SLC35F3: variants seen among roughly 807,000 people sequenced by gnomAD.
SLC35F3 encodes solute carrier family 35 member F3.
Under a neutral mutation model 49.9 loss-of-function variants are expected in SLC35F3, and 25 were observed. The observed-to-expected ratio is 0.50, with a 90% CI of 0.37 to 0.70. The LOEUF (loss-of-function observed/expected upper bound fraction) is 0.70. SLC35F3 is among the 30% of genes least tolerant of loss of function. The pLI, the probability that SLC35F3 is intolerant of heterozygous loss-of-function variation, is 0.00. For synonymous variants in SLC35F3, 275 were observed against 265.4 expected (o/e 1.04, Z -0.35); for missense variants, 525 against 639.8 (o/e 0.82, Z 1.94).
intron 2 of SLC35F3, among the ~76,000 whole-genome samples, chr1:234,131,386 G>A (rs1242043417): frequency 6.6e-6 from 1 of 152,270 alleles, no homozygotes; most frequent in Non-Finnish European, 1.5e-5. Context: ...GGAAGGCTGT[G>A]GCCCTACCCA....
At chr1:234,184,978 T>A (rs981922116) in intron 2 of SLC35F3, among the ~76,000 whole-genome samples, 1 of 152,174 alleles carries the variant, frequency 6.6e-6, no homozygotes, top group African/African-American at 2.4e-5. Context: ...ACACTGCATC[T>A]GAGAAGCATT....
intron 2 of SLC35F3, among the ~76,000 whole-genome samples, chr1:233,977,109 C>T (rs1572005537): frequency 6.6e-6 from 1 of 152,176 alleles, no homozygotes; most frequent in East Asian, 1.9e-4. Context: ...TTCAGGTTAG[C>T]TCAGCCAGCA....
chr1:234,309,421 C>A, intron 4 of SLC35F3, 101 bp downstream of exon 4: 1 of 962,458 alleles, frequency 1.0e-6, no homozygotes, highest in Non-Finnish European at 1.6e-6. Context: ...TGAGCATAAG[C>A]TGCTGACCAC....
intron 2 of SLC35F3, among the ~76,000 whole-genome samples, chr1:234,198,400 T>C (rs1666847260): frequency 6.6e-6 from 1 of 152,192 alleles, no homozygotes; most frequent in Non-Finnish European, 1.5e-5. Context: ...TGTTTTCTTT[T>C]CTTATGGGTA....
At chr1:233,964,590 T>C (rs1662866445) in intron 2 of SLC35F3, among the ~76,000 whole-genome samples, 2 of 152,238 alleles carry the variant, frequency 1.3e-5, no homozygotes, top group Non-Finnish European at 2.9e-5. Flanking sequence ...GTGTTAAGAC[T>C]GTTCATGTGT....
At chr1:234,100,142 A>G (rs945678454) in intron 2 of SLC35F3, among the ~76,000 whole-genome samples, 3 of 152,220 alleles carry the variant, frequency 2.0e-5, no homozygotes, top group Admixed American at 2.0e-4. Flanking sequence ...AATTAACAAA[A>G]GAAGAGGAAG....
intron 2 of SLC35F3, among the ~76,000 whole-genome samples, chr1:233,952,622 C>T (rs7515636): frequency 6.6e-6 from 1 of 152,178 alleles, no homozygotes; most frequent in Non-Finnish European, 1.5e-5. Flanking sequence ...CAAATCACAT[C>T]CAGTGTCTCC....
At chr1:234,062,752 T>G (rs2102863449) in intron 2 of SLC35F3, among the ~76,000 whole-genome samples, 1 of 151,966 alleles carries the variant, frequency 6.6e-6, no homozygotes, top group Admixed American at 6.6e-5. Flanking sequence ...CAATCTCCTT[T>G]CCCTGCAAGC....
At chr1:233,946,751 G>A (rs1662519378) in intron 2 of SLC35F3, among the ~76,000 whole-genome samples, 1 of 152,214 alleles carries the variant, frequency 6.6e-6, no homozygotes, top group South Asian at 2.1e-4. Flanking sequence ...TGCACCTGAG[G>A]TGAAATGGGC....
At chr1:234,238,620 C>T (rs1362335019) in intron 3 of SLC35F3, among the ~76,000 whole-genome samples, 1 of 152,212 alleles carries the variant, frequency 6.6e-6, no homozygotes, top group South Asian at 2.1e-4. Context: ...GCATCTCCCC[C>T]CACCCCACCA....
At chr1:234,030,429 T>C (rs1664045396) in intron 2 of SLC35F3, among the ~76,000 whole-genome samples, 1 of 152,202 alleles carries the variant, frequency 6.6e-6, no homozygotes, top group South Asian at 2.1e-4. Flanking sequence ...TGAGTCTAAC[T>C]AGAGACCCCA....
chr1:234,005,067 A>C (rs1303623114), intron 2 of SLC35F3, among the ~76,000 whole-genome samples: 1 of 152,216 alleles, frequency 6.6e-6, no homozygotes, highest in African/African-American at 2.4e-5. Flanking sequence ...GAAAATCTTT[A>C]AAGTCTTTTA....
chr1:234,058,804 G>A (rs561720403), intron 2 of SLC35F3, among the ~76,000 whole-genome samples: 4 of 151,324 alleles, frequency 2.6e-5, no homozygotes, highest in South Asian at 4.2e-4. Context: ...ATTTTTTTGG[G>A]TTTTTTTTGG....
At chr1:234,105,570 G>T (rs1342350189) in intron 2 of SLC35F3, among the ~76,000 whole-genome samples, 3 of 152,170 alleles carry the variant, frequency 2.0e-5, no homozygotes, top group Non-Finnish European at 2.9e-5. Context: ...AGAAAGAGGA[G>T]CCATGTCTGC....
intron 2 of SLC35F3, among the ~76,000 whole-genome samples, chr1:233,948,559 C>A (rs202219111): frequency 6.9e-6 from 1 of 144,836 alleles, no homozygotes; most frequent in East Asian, 2.0e-4. Context: ...TTTTTTTTTT[C>A]TTTTTTTAAT....
intron 2 of SLC35F3, among the ~76,000 whole-genome samples, chr1:234,189,462 A>G (rs1415103045): frequency 1.3e-5 from 2 of 151,696 alleles, no homozygotes; most frequent in African/African-American, 2.4e-5. Context: ...AAGCAGAAGA[A>G]CGAACTTCAG....
Position 233,905,757 on chromosome 1 carries a change from A to C in SLC35F3, c.282A>C (p.Lys94Asn). ...YGYQPWAASC[K>N]REERPRDSPG... ...ACCAGCCCTGGGCAGCGAGCTGCAA[A>C]AGTAAGACCCCCTCACGTCATGTTT... The change falls in exon 2 of 8, where the codon AAA becomes AAC. Residue 94 changes from lysine (K) to asparagine (N), a missense_variant and splice_region_variant. Around this residue, in one of 4 missense-constraint regions of SLC35F3, gnomAD observed 228 missense variants for 218.9 expected, o/e 1.04. Transcript: ENST00000366618. The C allele has an allele frequency of 6.2e-7, 1 of 1,608,270 alleles. No individual in the cohort carries two copies. The highest frequency in any genetic ancestry group is 1.3e-5 in the African/African-American group (1 of 74,968).
intron 2 of SLC35F3, among the ~76,000 whole-genome samples, chr1:234,083,606 G>A (rs925216892): frequency 6.6e-5 from 10 of 152,114 alleles, no homozygotes; most frequent in African/African-American, 2.2e-4. Context: ...CTTATGAAGC[G>A]GGGCTGCTGT....
intron 2 of SLC35F3, among the ~76,000 whole-genome samples, chr1:234,016,363 A>G (rs999351845): frequency 6.6e-6 from 1 of 152,242 alleles, no homozygotes; most frequent in African/African-American, 2.4e-5. Flanking sequence ...GTTATGGTTC[A>G]CCATAACCAA....
Sources: allele counts gnomAD v4.1 joint callset (sites outside exome capture counted in the v4.1 genomes callset), GRCh38; gene constraint gnomAD v4.1.1; regional missense constraint gnomAD v4.1.1; transcripts MANE v1.5; gene names NCBI Gene and HGNC (gene_info 2026-07-23, HGNC 2026-07-21).